The following RPN2 variants were observed in gnomAD, a reference collection of about 807,000 sequenced individuals.
RPN2 encodes the protein dolichyl-diphosphooligosaccharide--protein glycosyltransferase subunit 2.
In RPN2, 29 loss-of-function variants were observed where a neutral mutation model predicts 71.4. The ratio of observed to expected loss-of-function variants is 0.41; its 90% CI spans 0.30 to 0.55. RPN2 has a LOEUF of 0.55. Among genes scored for constraint, RPN2 ranks in the 20% least tolerant of loss-of-function variants. The probability of loss-of-function intolerance (pLI) is 0.35; values close to 1 mark genes in which losing one functional copy is unlikely to be tolerated. For synonymous variants in RPN2, 308 were observed against 305.0 expected, an observed-to-expected ratio of 1.01 and a Z score of -0.10; for missense variants, 726 against 774.1, an observed-to-expected ratio of 0.94 and a Z score of 0.74.
chr20:37,182,105 T>G (rs2066897478), intron 1 of RPN2, among the ~76,000 whole-genome samples: 1 of 152,056 alleles, frequency 6.6e-6, no homozygotes, highest in South Asian at 2.1e-4. Context: ...TTTATTTTTA[T>G]TTTTTTGAGA....
intron 14 of RPN2, among the ~76,000 whole-genome samples, chr20:37,233,616 C>T (rs1280546527): frequency 6.6e-6 from 1 of 152,200 alleles, no homozygotes; most frequent in African/African-American, 2.4e-5. Context: ...GAACCCACGG[C>T]AAGAGCGTGA....
chr20:37,227,341 A>G (rs2068101855), intron 11 of RPN2, among the ~76,000 whole-genome samples: 1 of 152,256 alleles, frequency 6.6e-6, no homozygotes, highest in South Asian at 2.1e-4. Flanking sequence ...TTCACTGAAT[A>G]CTTGTCTCAT....
chr20:37,235,794 G>A (rs2146710548), intron 15 of RPN2, among the ~76,000 whole-genome samples: 2 of 151,790 alleles, frequency 1.3e-5, no homozygotes, highest in South Asian at 4.2e-4. Flanking sequence ...GGGATTATAG[G>A]CCTGCGCCAC....
In RPN2 at chr20:37,225,768, A is replaced by T; in HGVS notation, c.1265A>T (p.Asp422Val). ...QNFALFFQLV[D>V]VNTGAELTPH... ...TTCGCCTTGTTCTTCCAGCTGGTAG[A>T]TGTGAACACTGGTGCTGAACTCACT... Residue 422 changes from aspartate (D) to valine (V), a missense_variant, in exon 11 of 17, where the codon GAT becomes GTT. Asp to Val is a radical substitution (Grantham distance 152, BLOSUM62 -3). Transcript: ENST00000237530. 6.2e-7 allele frequency: 1 copy of T among 1,614,102 alleles called. No homozygotes were observed. The highest frequency in any genetic ancestry group is 8.5e-7 in the Non-Finnish European group (1 of 1,179,928).
intron 1 of RPN2, among the ~76,000 whole-genome samples, chr20:37,181,405 G>C (rs1300031125): frequency 6.6e-6 from 1 of 150,672 alleles, no homozygotes; most frequent in Non-Finnish European, 1.5e-5. Flanking sequence ...TCCTGATTCA[G>C]AATGTTTGCA....
intron 11 of RPN2, 106 bp from the exon 12 acceptor site, chr20:37,228,444 C>CT (rs1241342793): frequency 9.0e-7 from 1 of 1,108,224 alleles, no homozygotes; most frequent in Admixed American, 1.8e-5. Context: ...AGAGCTCTCA[C>CT]TGTGACAAAG....
chr20:37,206,197 T>C (rs1254221362), intron 6 of RPN2, among the ~76,000 whole-genome samples: 2 of 152,212 alleles, frequency 1.3e-5, no homozygotes, highest in Admixed American at 6.5e-5. Context: ...GCCTTTTAGG[T>C]TCCACTTTTT....
chr20:37,179,459 T>C, intron 1 of RPN2, 90 bp downstream of exon 1: 1 of 1,419,256 alleles, frequency 7.0e-7, no homozygotes, highest in Non-Finnish European at 9.3e-7. Context: ...CGGGATCCCC[T>C]TCCCCTGCGG....
At chr20:37,200,406 TCA>T in intron 4 of RPN2, 1 of 512,280 alleles carries the variant, frequency 2.0e-6, no homozygotes, top group African/African-American at 2.0e-5. Flanking sequence ...ATTTTTTTTG[TCA>T]TTTTATTTGT....
chr20:37,224,740 A>G (rs890153449), intron 10 of RPN2, among the ~76,000 whole-genome samples: 2 of 152,182 alleles, frequency 1.3e-5, no homozygotes, highest in African/African-American at 2.4e-5. Flanking sequence ...ACTTTACTCA[A>G]CTAGGGTAGC....
chr20:37,229,900 A>G, intron 12 of RPN2, 73 bp from the exon 13 acceptor site: 1 of 1,131,538 alleles, frequency 8.8e-7, no homozygotes, highest in Non-Finnish European at 1.3e-6. Context: ...GATGTGAGTC[A>G]GAGAATATTA....
intron 9 of RPN2, among the ~76,000 whole-genome samples, chr20:37,217,990 G>A (rs982068118): frequency 2.0e-5 from 3 of 152,184 alleles, no homozygotes; most frequent in Admixed American, 1.3e-4. Context: ...GCCTCGCCTC[G>A]GCCTCCCAAA....
chr20:37,192,893 G>A (rs546042800), intron 2 of RPN2, among the ~76,000 whole-genome samples: 11 of 152,248 alleles, frequency 7.2e-5, no homozygotes, highest in Admixed American at 6.5e-4. Flanking sequence ...TTGGAAGGCT[G>A]AGGCAGGAGG....
intron 9 of RPN2, among the ~76,000 whole-genome samples, chr20:37,221,489 C>T (rs749376468): frequency 1.2e-4 from 18 of 152,138 alleles, no homozygotes; most frequent in Admixed American, 4.6e-4. Flanking sequence ...TGAGCCACCA[C>T]GCCCGGCCTA....
chr20:37,212,623 A>AC (rs1333699851), intron 8 of RPN2, among the ~76,000 whole-genome samples: 1 of 151,626 alleles, frequency 6.6e-6, no homozygotes, highest in Admixed American at 6.6e-5. Flanking sequence ...GATTACAGGC[A>AC]CCCGCCACCA....
chr20:37,226,782 G>C (rs1850551682), intron 11 of RPN2, among the ~76,000 whole-genome samples: 1 of 152,066 alleles, frequency 6.6e-6, no homozygotes, highest in Non-Finnish European at 1.5e-5. Flanking sequence ...TGTCCACTCA[G>C]ATACCCCCAC....
rs1393267226 is a variant in RPN2, at chr20:37,187,330, G to A, written c.207+2957G>A. Among the ~76,000 whole-genome samples, 2 of 19,678 alleles carry A rather than the reference G, an allele frequency of 1.0e-4. 1 individual carries two copies. Among genetic ancestry groups the A allele is most frequent in the African/African-American group, 4.1e-4 (2 of 4,864 alleles). 12.9% of individuals were successfully genotyped at this position (19,678 alleles called of 152,430 possible). ...ATCCCGGCTAAAACGGTGAAACACC[G>A]TCTCTACTAAAAATACAAAAAATTA... On this transcript the variant is annotated intron_variant, in intron 2 of 16. Transcript: ENST00000237530.
chr20:37,192,932 G>T (rs1026159214), intron 2 of RPN2, among the ~76,000 whole-genome samples: 1 of 152,082 alleles, frequency 6.6e-6, no homozygotes, highest in East Asian at 1.9e-4. Context: ...TCTGAAACCA[G>T]CCTGGGCAAC....
At chr20:37,209,901 A>G in intron 7 of RPN2, 146 bp from the exon 8 acceptor site, 1 of 1,390,514 alleles carries the variant, frequency 7.2e-7, no homozygotes, top group East Asian at 2.6e-5. Flanking sequence ...AGGATTAGGC[A>G]GCAGGCCCAA....
Sources: allele counts gnomAD v4.1 joint callset (sites outside exome capture counted in the v4.1 genomes callset), GRCh38; gene constraint gnomAD v4.1.1; transcripts MANE v1.5; gene names NCBI Gene and HGNC (gene_info 2026-07-23, HGNC 2026-07-21).